Variants in GLIS3 observed in about 807,000 individuals in gnomAD.
GLIS3 encodes the protein zinc finger protein GLIS3.
GLIS3 carries 53 observed loss-of-function variants against 78.6 expected under a neutral mutation model. That is an observed-to-expected ratio of 0.67 (90% CI 0.54 to 0.85). GLIS3 has a LOEUF of 0.85. Ranked by LOEUF, GLIS3 falls within the 40% of genes least tolerant of loss-of-function variation. The pLI, the probability that GLIS3 is intolerant of heterozygous loss-of-function variation, is 0.00. For missense variants in GLIS3, 1,703 were observed against 1,231.1 expected, an observed-to-expected ratio of 1.38 and a Z score of -5.74; for synonymous variants, 684 against 509.9, an observed-to-expected ratio of 1.34 and a Z score of -4.60.
At chr9:4,112,821 A>C (rs1831327298) in intron 4 of GLIS3, among the ~76,000 whole-genome samples, 1 of 152,186 alleles carries the variant, frequency 6.6e-6, no homozygotes, top group Non-Finnish European at 1.5e-5. Flanking sequence ...ATACTATAAC[A>C]GACACCTATG....
intron 4 of GLIS3, among the ~76,000 whole-genome samples, chr9:3,979,890 G>C (rs978804428): frequency 6.6e-6 from 1 of 152,176 alleles, no homozygotes; most frequent in Admixed American, 6.5e-5. Flanking sequence ...CTCTCATGTG[G>C]CATATATTCC....
At position 4,170,456 on chromosome 9, in the gene GLIS3, T is replaced by G. The variant is rs144551624; in HGVS notation, c.389-44515A>C. On this transcript the variant is annotated intron_variant, in intron 2 of 10. Transcript: ENST00000381971. ...GCAACTAAGACATGGCACACGGTGT[T>G]AGAATGCCCTCCCAGCTCTATGGGA... Among the ~76,000 whole-genome samples, 535 of 152,288 alleles carry G rather than the reference T, an allele frequency of 3.5e-3. 4 individuals are homozygous for G. Among genetic ancestry groups the G allele is most frequent in the African/African-American group, 0.012 (485 of 41,580 alleles).
chr9:4,113,795 A>T (rs879230774), intron 4 of GLIS3, among the ~76,000 whole-genome samples: 3 of 152,162 alleles, frequency 2.0e-5, no homozygotes, highest in African/African-American at 7.2e-5. Context: ...ATCCAATGTT[A>T]CTTAAAAAGC....
chr9:4,311,414 A>C (rs986496585), intron 2 of GLIS3, among the ~76,000 whole-genome samples: 1 of 152,214 alleles, frequency 6.6e-6, no homozygotes, highest in African/African-American at 2.4e-5. Flanking sequence ...GTCTCAAAAA[A>C]GTAACTAAAT....
At chr9:4,273,791 C>G (rs539647552) in intron 2 of GLIS3, among the ~76,000 whole-genome samples, 1 of 152,192 alleles carries the variant, frequency 6.6e-6, no homozygotes, top group South Asian at 2.1e-4. Context: ...CACTCTCCTC[C>G]CTACCCAAGA....
chr9:4,035,446 A>G (rs868149857), intron 4 of GLIS3, among the ~76,000 whole-genome samples: 9 of 150,454 alleles, frequency 6.0e-5, no homozygotes, highest in Non-Finnish European at 5.9e-5. Flanking sequence ...CTCGTATTCC[A>G]CCTTCTATCT....
intron 2 of GLIS3, among the ~76,000 whole-genome samples, chr9:4,233,709 G>C (rs921439883): frequency 1.3e-5 from 2 of 152,326 alleles, no homozygotes; most frequent in East Asian, 3.9e-4. Context: ...TAACAAGGGA[G>C]CCAGCCTGTC....
At chr9:4,053,539 T>C (rs1825892396) in intron 4 of GLIS3, among the ~76,000 whole-genome samples, 1 of 151,916 alleles carries the variant, frequency 6.6e-6, no homozygotes, top group African/African-American at 2.4e-5. Flanking sequence ...GGACTGTTCC[T>C]GTCTTGTTCG....
chr9:4,206,314 T>C (rs1586974769), intron 2 of GLIS3, among the ~76,000 whole-genome samples: 1 of 152,162 alleles, frequency 6.6e-6, no homozygotes, highest in African/African-American at 2.4e-5. Flanking sequence ...GTAATGAGGG[T>C]GTTCTAAAAA....
chr9:4,336,332 T>G (rs1300467596), intron 2 of GLIS3, among the ~76,000 whole-genome samples: 2 of 152,196 alleles, frequency 1.3e-5, no homozygotes, highest in South Asian at 2.1e-4. Context: ...ACTAAGCCCC[T>G]GGTGCTGCTG....
chr9:4,120,848 T>A (rs16920705), intron 3 of GLIS3, among the ~76,000 whole-genome samples: 51 of 152,346 alleles, frequency 3.3e-4, no homozygotes, highest in African/African-American at 1.2e-3. Flanking sequence ...TATCCACCTA[T>A]ATATACTTTG....
intron 4 of GLIS3, among the ~76,000 whole-genome samples, chr9:4,008,828 C>T (rs759196727): frequency 3.3e-5 from 5 of 152,132 alleles, no homozygotes; most frequent in Admixed American, 6.6e-5. Context: ...CCAACATCCA[C>T]CTTTTATAGG....
intron 4 of GLIS3, chr9:4,071,273 A>C (rs967893831): frequency 2.6e-5 from 4 of 152,230 alleles, no homozygotes; most frequent in African/African-American, 9.6e-5. Flanking sequence ...ATGTGAATAA[A>C]GAAATAACTC....
At chr9:4,090,337 AT>A (rs1190891044) in intron 4 of GLIS3, among the ~76,000 whole-genome samples, 3 of 152,154 alleles carry the variant, frequency 2.0e-5, no homozygotes, top group Non-Finnish European at 4.4e-5. Flanking sequence ...CCTTGAATTC[AT>A]TCATCTCGAG....
intron 2 of GLIS3, among the ~76,000 whole-genome samples, chr9:4,344,247 C>G (rs1281018705): frequency 6.6e-6 from 1 of 152,106 alleles, no homozygotes; most frequent in African/African-American, 2.4e-5. Flanking sequence ...TCTTCCCTCC[C>G]ACCCCCACTA....
intron 6 of GLIS3, among the ~76,000 whole-genome samples, chr9:3,915,427 T>C (rs917185833): frequency 6.6e-6 from 1 of 152,108 alleles, no homozygotes; most frequent in African/African-American, 2.4e-5. Context: ...TGCATTAGTC[T>C]TGGTGGTTCT....
chr9:4,246,471 C>T (rs563407582), intron 2 of GLIS3, among the ~76,000 whole-genome samples: 6 of 152,190 alleles, frequency 3.9e-5, no homozygotes, highest in Non-Finnish European at 2.9e-5. Context: ...TGGTCTTATA[C>T]GGCTACCATT....
intron 4 of GLIS3, among the ~76,000 whole-genome samples, chr9:4,026,672 T>C (rs967727654): frequency 1.3e-5 from 2 of 152,200 alleles, no homozygotes; most frequent in East Asian, 1.9e-4. Flanking sequence ...ACCTAACTAG[T>C]AGATATTTTG....
intron 2 of GLIS3, among the ~76,000 whole-genome samples, chr9:4,240,879 A>C (rs1051808637): frequency 6.6e-6 from 1 of 152,110 alleles, no homozygotes; most frequent in Non-Finnish European, 1.5e-5. Context: ...GTGAAATAAA[A>C]CTCCATATAA....
Sources: allele counts gnomAD v4.1 joint callset (sites outside exome capture counted in the v4.1 genomes callset), GRCh38; gene constraint gnomAD v4.1.1; transcripts MANE v1.5; gene names NCBI Gene and HGNC (gene_info 2026-07-23, HGNC 2026-07-21).